PSEN1: variants seen among roughly 807,000 people sequenced by gnomAD.
PSEN1 encodes the protein presenilin-1.
In PSEN1, 15 loss-of-function variants were observed where a neutral mutation model predicts 53.5. The observed-to-expected ratio is 0.28, with a 90% CI of 0.19 to 0.43. The LOEUF (loss-of-function observed/expected upper bound fraction) is 0.43. Ranked by LOEUF, PSEN1 falls within the 20% of genes least tolerant of loss-of-function variation. PSEN1 has a pLI of 1.00. For synonymous variants in PSEN1, 208 were observed against 209.8 expected (o/e 0.99, Z 0.08); for missense variants, 387 against 571.2 (o/e 0.68, Z 3.29).
chr14:73,173,658 T>C lies in PSEN1; in HGVS notation c.431T>C (p.Val144Ala). The change falls in exon 5 of 12, where the codon GTT (valine) becomes GCT (alanine). Residue 144 changes from valine to alanine, a missense_variant. By Grantham distance (64) the Val-to-Ala change is moderately conservative. This residue lies in a region of PSEN1 where 169 missense variants were observed against 299.7 expected (regional missense o/e 0.56). Coordinates refer to ENST00000324501, the MANE Select transcript of PSEN1 (RefSeq NM_000021.4). ...LNAAIMISVIVVMTILLVVLY... is the reference protein window; with the variant it reads ...LNAAIMISVIAVMTILLVVLY... ...GCTGCCATCATGATCAGTGTCATTGTTGTCATGACTATCCTCCTGGTGGTT... is the reference window on the plus strand; with the variant it reads ...GCTGCCATCATGATCAGTGTCATTGCTGTCATGACTATCCTCCTGGTGGTT... The C allele has an allele frequency of 6.2e-7, 1 of 1,614,018 alleles. No individual in the cohort carries two copies. The highest frequency in any genetic ancestry group is 8.5e-7 in the Non-Finnish European group (1 of 1,179,862).
chr14:73,141,019 A>T (rs1896910532), intron 1 of PSEN1, among the ~76,000 whole-genome samples: 1 of 152,242 alleles, frequency 6.6e-6, no homozygotes, highest in Non-Finnish European at 1.5e-5. Flanking sequence ...TCAAGGCACC[A>T]GCAGAAGTAC....
chr14:73,167,816 A>G (rs547900252), intron 3 of PSEN1: 1 of 147,594 alleles, frequency 6.8e-6, no homozygotes, highest in African/African-American at 2.5e-5. Flanking sequence ...CTCTATTGCA[A>G]GCCTCTTCCA....
rs1897180283 is a variant in PSEN1 at position 73,150,280 on chromosome 14, A to C, written c.87+2174A>C. Reference sequence around the variant, plus strand: ...ACAAGATTTTGCATTTAATTTGAAAAGAGACTAGTTATATGACAAAAAATT... The same window carrying C: ...ACAAGATTTTGCATTTAATTTGAAACGAGACTAGTTATATGACAAAAAATT... On this transcript the variant is annotated intron_variant, in intron 3 of 11. Transcript: ENST00000324501. Among the ~76,000 whole-genome samples the C allele has an allele frequency of 1.3e-5, 2 of 152,164 alleles. 1 individual carries two copies. Among genetic ancestry groups the C allele is most frequent in the Admixed American group, 1.3e-4 (2 of 15,272 alleles).
chr14:73,170,720 G>A, intron 3 of PSEN1, 77 bp from the exon 4 acceptor site: 2 of 1,512,020 alleles, frequency 1.3e-6, no homozygotes, highest in Non-Finnish European at 1.8e-6. Flanking sequence ...CGGGTCTGTT[G>A]TTAATCCCAG....
intron 7 of PSEN1, among the ~76,000 whole-genome samples, chr14:73,194,067 T>A (rs1898836516): frequency 6.6e-6 from 1 of 152,198 alleles, no homozygotes; most frequent in South Asian, 2.1e-4. Flanking sequence ...TCACATTCTG[T>A]AACCACCAGT....
chr14:73,203,917 G>T (rs1899334904), intron 8 of PSEN1, among the ~76,000 whole-genome samples: 1 of 152,164 alleles, frequency 6.6e-6, no homozygotes, highest in Non-Finnish European at 1.5e-5. Flanking sequence ...ACTTTGGGAG[G>T]TAGAAGCAGG....
intron 7 of PSEN1, among the ~76,000 whole-genome samples, chr14:73,194,038 G>C (rs1898835867): frequency 6.6e-6 from 1 of 152,188 alleles, no homozygotes. Flanking sequence ...AAATAAAACC[G>C]ATTTGGACAG....
chr14:73,211,614 T>C (rs1425541226), intron 9 of PSEN1, among the ~76,000 whole-genome samples, 155 bp from the exon 10 acceptor site: 2 of 152,226 alleles, frequency 1.3e-5, no homozygotes, highest in Non-Finnish European at 2.9e-5. Context: ...AAATAGCTGT[T>C]GGATAAACTA....
At chr14:73,196,663 C>CGGGGTTTT (rs1898959773) in intron 7 of PSEN1, among the ~76,000 whole-genome samples, 2 of 150,546 alleles carry the variant, frequency 1.3e-5, no homozygotes, top group Non-Finnish European at 3.0e-5. Flanking sequence ...TTGGTAGAGA[C>CGGGGTTTT]GGGGTTTTGC....
At chr14:73,183,831 T>G (rs1209700603) in intron 5 of PSEN1, among the ~76,000 whole-genome samples, 1 of 150,074 alleles carries the variant, frequency 6.7e-6, no homozygotes, top group Non-Finnish European at 1.5e-5. Context: ...CCAGACGGGG[T>G]GGTGGCCGGG....
intron 3 of PSEN1, among the ~76,000 whole-genome samples, chr14:73,154,306 T>G (rs561638393): frequency 6.6e-6 from 1 of 152,244 alleles, no homozygotes; most frequent in South Asian, 2.1e-4. Context: ...AATTATAAAC[T>G]TAATTGCAGA....
At position 73,184,697 on chromosome 14, in the gene PSEN1, A is replaced by AC. The variant is rs766164212; in HGVS notation, c.481-2149dup. 1.2e-3 allele frequency among the ~76,000 whole-genome samples: 148 copies of AC among 127,452 alleles called. 1 individual carries two copies. Among genetic ancestry groups the AC allele is most frequent in the Non-Finnish European group, 1.6e-3 (96 of 60,146 alleles). 83.6% of individuals were successfully genotyped at this position (127,452 alleles called of 152,430 possible). On this transcript the variant is annotated intron_variant, in intron 5 of 11. Transcript: ENST00000324501. ...GAGCGGCTGGCGGGGCGGGGGGCTGACCCCCCCACCTCCCTCCCGGATGGG... is the reference window on the plus strand; with the variant it reads ...GAGCGGCTGGCGGGGCGGGGGGCTGACCCCCCCCACCTCCCTCCCGGATGGG...
At chr14:73,162,515 TGAGA>T (rs914594151) in intron 3 of PSEN1, among the ~76,000 whole-genome samples, 3 of 147,166 alleles carry the variant, frequency 2.0e-5, no homozygotes, top group Non-Finnish European at 3.0e-5. Flanking sequence ...AGCGATTGAG[TGAGA>T]GAGAGAGCAC....
rs1451763285 is a variant in PSEN1, at chr14:73,162,604, A to C, written c.88-8193A>C. ...AGCCTAGGAGGTCAACGCTGTGGTA[A>C]GCTGTTGACTATGCCACTGCACTGC... On this transcript the variant is annotated intron_variant, in intron 3 of 11. Coordinates refer to ENST00000324501, the MANE Select transcript of PSEN1 (RefSeq NM_000021.4). 5.3e-5 allele frequency among the ~76,000 whole-genome samples: 8 copies of C among 151,766 alleles called. No individual in the cohort carries two copies. The East Asian group carries it at 1.6e-3, about 30-fold the overall frequency.
At chr14:73,159,962 A>G (rs1897480609) in intron 3 of PSEN1, 1 of 175,432 alleles carries the variant, frequency 5.7e-6, no homozygotes, top group African/African-American at 2.4e-5. Flanking sequence ...AACTGGAACT[A>G]CAGGTGCACT....
At chr14:73,184,825 C>T (rs1173643517) in intron 5 of PSEN1, among the ~76,000 whole-genome samples, 14 of 150,016 alleles carry the variant, frequency 9.3e-5, no homozygotes, top group African/African-American at 3.0e-4. Context: ...GGCTGCCGGG[C>T]GGAGGGGCTC....
At chr14:73,138,112 G>C (rs779172731) in intron 1 of PSEN1, 14 of 151,376 alleles carry the variant, frequency 9.2e-5, no homozygotes, top group Non-Finnish European at 2.1e-4. Flanking sequence ...TGGAGAAAAG[G>C]CATACAAATT....
rs1417023503 is a variant in PSEN1, at chr14:73,147,780, G to A, written c.-135-15G>A. ...TTTAACTAACAATGGATGACCTGGTGAAATCCTATTTCAGACCTAATCTGG... is the reference window on the plus strand; with the variant it reads ...TTTAACTAACAATGGATGACCTGGTAAAATCCTATTTCAGACCTAATCTGG... On this transcript the variant is annotated splice_polypyrimidine_tract_variant and intron_variant, in intron 1 of 11. Transcript: ENST00000324501. 1 of 531,910 alleles carries A rather than the reference G, an allele frequency of 1.9e-6. No individual in the cohort carries two copies. Among genetic ancestry groups the A allele is most frequent in the African/African-American group, 1.9e-5 (1 of 52,332 alleles). 32.9% of individuals were successfully genotyped at this position (531,910 alleles called of 1,614,324 possible).
At chr14:73,145,646 A>G (rs563660334) in intron 1 of PSEN1, among the ~76,000 whole-genome samples, 67 of 152,228 alleles carry the variant, frequency 4.4e-4, no homozygotes, top group African/African-American at 1.6e-3. Context: ...GGCCTCATGC[A>G]ATTTATTGAC....
Sources: allele counts gnomAD v4.1 joint callset (sites outside exome capture counted in the v4.1 genomes callset), GRCh38; gene constraint gnomAD v4.1.1; regional missense constraint gnomAD v4.1.1; transcripts MANE v1.5; gene names NCBI Gene and HGNC (gene_info 2026-07-23, HGNC 2026-07-21).